Variants in MYT1L observed in about 807,000 individuals in gnomAD.
MYT1L encodes the protein myelin transcription factor 1-like protein.
A neutral mutation model predicts 126.7 loss-of-function variants in MYT1L; 12 were observed. The observed-to-expected ratio is 0.09, with a 90% confidence interval of 0.06 to 0.15. The LOEUF (loss-of-function observed/expected upper bound fraction) is 0.15, where lower values mean the gene tolerates loss of function less well. MYT1L is among the 10% of genes least tolerant of loss of function. The pLI is 1.00. For synonymous variants in MYT1L, 541 were observed against 604.2 expected (o/e 0.90, Z 1.53); for missense variants, 979 against 1,585.2 (o/e 0.62, Z 6.49).
chr2:1,958,749 C>T (rs1326024031), intron 8 of MYT1L, among the ~76,000 whole-genome samples: 1 of 149,304 alleles, frequency 6.7e-6, no homozygotes, highest in Admixed American at 6.7e-5. Flanking sequence ...TTCTCCGGCC[C>T]ACCCAACTGC....
rs1055283056 is a variant in MYT1L, at chr2:2,228,698, G to T, written c.-421+55706C>A. On this transcript the variant is annotated intron_variant, in intron 2 of 24. Coordinates refer to ENST00000647738, the MANE Select transcript of MYT1L (RefSeq NM_001303052.2). The surrounding 1 kb of genome is among the most constrained non-coding windows in gnomAD (Gnocchi z 5.9). Reference sequence around the variant, plus strand: ...TATATAACTTAGCAGGTATAAAAAGGTTTCAACCTTAATATTACAGAGAAG... The same window carrying T: ...TATATAACTTAGCAGGTATAAAAAGTTTTCAACCTTAATATTACAGAGAAG... Among the ~76,000 whole-genome samples, 9 of 151,960 alleles carry T rather than the reference G, an allele frequency of 5.9e-5. No homozygotes were observed. Among genetic ancestry groups the T allele is most frequent in the East Asian group, 1.9e-4 (1 of 5,184 alleles).
At chr2:2,152,281 T>C (rs1259449811) in intron 3 of MYT1L, among the ~76,000 whole-genome samples, 1 of 152,180 alleles carries the variant, frequency 6.6e-6, no homozygotes, top group African/African-American at 2.4e-5. Flanking sequence ...ACAATTCTGG[T>C]CCAGAGCAGG....
chr2:1,792,194 G>A (rs531865082), intron 24 of MYT1L, 127 bp downstream of exon 24: 11 of 1,322,510 alleles, frequency 8.3e-6, no homozygotes, highest in Admixed American at 5.2e-5. Context: ...GTATGGTTTC[G>A]GGGTGGTAAC....
intron 18 of MYT1L, among the ~76,000 whole-genome samples, chr2:1,883,142 C>T (rs1226747329): frequency 6.6e-6 from 1 of 152,178 alleles, no homozygotes; most frequent in East Asian, 1.9e-4. Flanking sequence ...CAAGGAGTTA[C>T]ACTAATGTCG....
intron 1 of MYT1L, among the ~76,000 whole-genome samples, chr2:2,321,367 C>A (rs913520341): frequency 6.6e-6 from 1 of 152,100 alleles, no homozygotes; most frequent in Non-Finnish European, 1.5e-5. Flanking sequence ...CCTGCAGACT[C>A]GCTTATTTCT....
chr2:2,103,594 A>G (rs1346273862), intron 3 of MYT1L, among the ~76,000 whole-genome samples: 1 of 152,158 alleles, frequency 6.6e-6, no homozygotes, highest in Non-Finnish European at 1.5e-5. Context: ...TAGGTAACCC[A>G]GCATCCCAGC....
intron 2 of MYT1L, among the ~76,000 whole-genome samples, chr2:2,191,323 T>C (rs969241558): frequency 1.3e-5 from 2 of 152,192 alleles, no homozygotes; most frequent in Non-Finnish European, 2.9e-5. Flanking sequence ...GCAGGTCAGA[T>C]TGGAGTTTTG....
chr2:1,983,768 A>C (rs1452033670), intron 5 of MYT1L, among the ~76,000 whole-genome samples: 2 of 152,172 alleles, frequency 1.3e-5, no homozygotes, highest in Non-Finnish European at 2.9e-5. Flanking sequence ...AGCTTCACTT[A>C]CTGAACCCGT....
chr2:2,183,927 A>T (rs2091828164), intron 2 of MYT1L, among the ~76,000 whole-genome samples: 1 of 140,490 alleles, frequency 7.1e-6, no homozygotes, highest in South Asian at 2.6e-4. Context: ...AGAGAGAGGA[A>T]GGAAGAAAAA....
intron 21 of MYT1L, among the ~76,000 whole-genome samples, chr2:1,820,414 T>G (rs900336655): frequency 2.6e-5 from 4 of 152,188 alleles, no homozygotes; most frequent in African/African-American, 9.7e-5. Context: ...CTCTGTGTGG[T>G]TGGCTATGAC....
chr2:1,895,460 A>G (rs1336947362), intron 14 of MYT1L, among the ~76,000 whole-genome samples: 1 of 152,234 alleles, frequency 6.6e-6, no homozygotes, highest in African/African-American at 2.4e-5. Flanking sequence ...TTCAAAGTAC[A>G]CGATAAGGCT....
chr2:2,185,944 C>T (rs539747001), intron 2 of MYT1L, among the ~76,000 whole-genome samples: 1 of 119,658 alleles, frequency 8.4e-6, no homozygotes, highest in Non-Finnish European at 1.7e-5. Flanking sequence ...GTGAGGCGGA[C>T]GCAGCCGGGC....
Position 1,863,301 on chromosome 2 carries a change from G to A in MYT1L, c.2712-11598C>T, listed in dbSNP as rs116390815. Among the ~76,000 whole-genome samples the A allele has an allele frequency of 2.9e-3, 435 of 152,262 alleles. 2 individuals are homozygous for A. Among genetic ancestry groups the A allele is most frequent in the African/African-American group, 1.0e-2 (414 of 41,544 alleles). ...GGTGCTGCCAGCAGGCTTAGTCCAC[G>A]CTGGCCACCTGCAGGAGAAGCACAG... On this transcript the variant is annotated intron_variant, in intron 18 of 24. Coordinates refer to ENST00000647738, the MANE Select transcript of MYT1L (RefSeq NM_001303052.2).
At chr2:1,804,046 C>T (rs1178732908) in intron 22 of MYT1L, among the ~76,000 whole-genome samples, 1 of 152,166 alleles carries the variant, frequency 6.6e-6, no homozygotes, top group African/African-American at 2.4e-5. Context: ...AGGAAGCAGT[C>T]CCTGGGGTTG....
Position 1,923,271 on chromosome 2 carries a change from G to A in MYT1L, c.506-8C>T. ...AATTCATTTGATGGTCTTCTGCAAAGAAAATAAAAAAGACAAAAAAGAAAA... is the reference window on the plus strand; with the variant it reads ...AATTCATTTGATGGTCTTCTGCAAAAAAAATAAAAAAGACAAAAAAGAAAA... On this transcript the variant is annotated splice_polypyrimidine_tract_variant and splice_region_variant and intron_variant, in intron 9 of 24. Coordinates refer to ENST00000647738, the MANE Select transcript of MYT1L (RefSeq NM_001303052.2). 2 of 1,548,754 alleles carry A rather than the reference G, an allele frequency of 1.3e-6. No individual in the cohort carries two copies. The highest frequency in any genetic ancestry group is 2.0e-5 in the Admixed American group (1 of 48,950).
chr2:1,888,953 A>G (rs1365935631), intron 16 of MYT1L, among the ~76,000 whole-genome samples: 1 of 152,244 alleles, frequency 6.6e-6, no homozygotes. Flanking sequence ...AAATGAACTC[A>G]GGTGCTATTT....
At chr2:2,165,611 A>G (rs1344659566) in intron 3 of MYT1L, among the ~76,000 whole-genome samples, 2 of 152,224 alleles carry the variant, frequency 1.3e-5, no homozygotes, top group East Asian at 1.9e-4. Context: ...TGTATAAAAC[A>G]TAACTAGGAT....
chr2:1,831,813 G>A (rs1572656870), intron 21 of MYT1L, among the ~76,000 whole-genome samples: 1 of 152,118 alleles, frequency 6.6e-6, no homozygotes, highest in Non-Finnish European at 1.5e-5. Context: ...CACAAAACGT[G>A]TGTGTCTCCC....
At chr2:2,101,384 C>T (rs889966291) in intron 3 of MYT1L, among the ~76,000 whole-genome samples, 29 of 151,954 alleles carry the variant, frequency 1.9e-4, no homozygotes, top group South Asian at 4.2e-4. Flanking sequence ...TTAAAATATA[C>T]GCAAAATAAA....
Sources: allele counts gnomAD v4.1 joint callset (sites outside exome capture counted in the v4.1 genomes callset), GRCh38; gene constraint gnomAD v4.1.1; non-coding constraint Gnocchi (gnomAD v3.1); transcripts MANE v1.5; gene names NCBI Gene and HGNC (gene_info 2026-07-23, HGNC 2026-07-21).